EYS: variants seen among roughly 807,000 people sequenced by gnomAD.
EYS encodes the protein EGF-like photoreceptor maintenance factor, also known as protein eyes shut homolog.
In EYS, 250 loss-of-function variants were observed where a neutral mutation model predicts 282.1. The observed-to-expected ratio is 0.89, with a 90% CI of 0.80 to 0.98. The LOEUF is 0.98. EYS is among the 50% of genes least tolerant of loss of function. EYS has a pLI of 0.00. For missense variants in EYS, 4,016 were observed against 3,709.0 expected (o/e 1.08, Z -2.15); for synonymous variants, 1,355 against 1,282.9 (o/e 1.06, Z -1.20).
chr6:65,456,078 G>A (rs1764599699), intron 5 of EYS, among the ~76,000 whole-genome samples: 2 of 151,538 alleles, frequency 1.3e-5, no homozygotes, highest in Middle Eastern at 3.4e-3. Context: ...AGAGAGAGAT[G>A]CAAGCTACAG....
rs557957089 is a variant in EYS at position 65,389,981 on chromosome 6, G to T, written c.1185-5481C>A. Among the ~76,000 whole-genome samples, 40 of 152,104 alleles carry T rather than the reference G, an allele frequency of 2.6e-4. No individual in the cohort carries two copies. In the East Asian group the frequency reaches 7.7e-3, roughly 29 times the overall value. ...TGTCAATGTAGTCATATAATTGGAGGTCCTGTTGCTTTTTTAAAAATTTAT... is the reference window on the plus strand; with the variant it reads ...TGTCAATGTAGTCATATAATTGGAGTTCCTGTTGCTTTTTTAAAAATTTAT... On this transcript the variant is annotated intron_variant, in intron 7 of 42. Transcript: ENST00000503581.
intron 35 of EYS, among the ~76,000 whole-genome samples, chr6:63,951,059 C>T (rs890145120): frequency 3.3e-5 from 5 of 151,988 alleles, no homozygotes; most frequent in African/African-American, 1.2e-4. Context: ...CACCACTTTC[C>T]TAGGGGGCAA....
At chr6:63,798,595 T>C (rs1409167867) in intron 37 of EYS, among the ~76,000 whole-genome samples, 1 of 152,192 alleles carries the variant, frequency 6.6e-6, no homozygotes, top group Non-Finnish European at 1.5e-5. Context: ...ATCAGGCATC[T>C]TCCTTCTGCC....
intron 2 of EYS, among the ~76,000 whole-genome samples, chr6:65,627,492 G>C (rs1205961636): frequency 6.6e-6 from 1 of 152,146 alleles, no homozygotes; most frequent in South Asian, 2.1e-4. Flanking sequence ...GCCAAGGCTG[G>C]AGCCCACTCC....
intron 2 of EYS, among the ~76,000 whole-genome samples, chr6:65,636,333 T>C (rs1767087449): frequency 2.0e-5 from 3 of 152,350 alleles, no homozygotes; most frequent in South Asian, 2.1e-4. Flanking sequence ...ATTCATATTA[T>C]AGCCTCTTTC....
rs531438207 is a variant in EYS, at chr6:64,206,858, T to C, written c.6424+23734A>G. ...TTTTTTAAGTTCAGGGGTATATGTA[T>C]AGGTTTGTTACATACATATATTTGC... On this transcript the variant is annotated intron_variant, in intron 31 of 42. Transcript: ENST00000503581. Among the ~76,000 whole-genome samples, 4 of 152,314 alleles carry C rather than the reference T, an allele frequency of 2.6e-5. No homozygotes were observed. In the East Asian group the frequency reaches 7.7e-4, roughly 29 times the overall value.
At chr6:64,219,538 G>A (rs1229848199) in intron 31 of EYS, among the ~76,000 whole-genome samples, 1 of 152,034 alleles carries the variant, frequency 6.6e-6, no homozygotes, top group African/African-American at 2.4e-5. Context: ...TAATCCTTTG[G>A]GTATATACCC....
rs537531135 is a variant in EYS, at chr6:63,908,638, A to G, written c.7056-44280T>C. On this transcript the variant is annotated intron_variant, in intron 35 of 42. Coordinates refer to ENST00000503581, the MANE Select transcript of EYS (RefSeq NM_001142800.2). ...GCTAATTTTTGTAATTTTAGTAGAG[A>G]TGGGGTTTCACAATGTTAGCCAGGC... 1.2e-4 allele frequency among the ~76,000 whole-genome samples: 18 copies of G among 152,154 alleles called. No homozygotes were observed. The East Asian group carries it at 2.3e-3, about 20-fold the overall frequency.
intron 35 of EYS, among the ~76,000 whole-genome samples, chr6:63,896,415 G>A (rs971877753): frequency 7.2e-5 from 11 of 152,026 alleles, no homozygotes; most frequent in Admixed American, 5.9e-4. Context: ...ATTTTTCAGA[G>A]GAATTTTATG....
rs746398596 is a variant in EYS at position 64,388,724 on chromosome 6, A to C, written c.6044T>G (p.Ile2015Ser). 1 of 1,542,162 alleles carries C rather than the reference A, an allele frequency of 6.5e-7. No homozygotes were observed. Among genetic ancestry groups the C allele is most frequent in the African/African-American group, 1.4e-5 (1 of 72,820 alleles). Residue 2015 changes from isoleucine (I) to serine (S), a missense_variant, in exon 29 of 43, where the codon ATT becomes AGT. Physicochemically the swap from Ile to Ser is moderately radical, Grantham distance 142. Coordinates refer to ENST00000503581, the MANE Select transcript of EYS (RefSeq NM_001142800.2). ...KPLPKSGSVF[I>S]GGFPDLHGKI... is the part of the protein sequence containing the mutation. Reference sequence around the variant, plus strand: ...CCCATGAAGGTCTGGAAATCCACCAATGAAGACAGATCCTGATTTTGGCAG... The same window carrying C: ...CCCATGAAGGTCTGGAAATCCACCACTGAAGACAGATCCTGATTTTGGCAG...
intron 2 of EYS, among the ~76,000 whole-genome samples, chr6:65,528,091 A>G (rs938357182): frequency 2.6e-5 from 4 of 152,194 alleles, no homozygotes; most frequent in Non-Finnish European, 5.9e-5. Flanking sequence ...GTAACAGCAC[A>G]TATGTTGAAA....
At chr6:64,688,123 T>C (rs1278887046) in intron 22 of EYS, among the ~76,000 whole-genome samples, 2 of 152,112 alleles carry the variant, frequency 1.3e-5, no homozygotes, top group African/African-American at 2.4e-5. Context: ...CTTTTCTTCT[T>C]TATTAGTCTT....
rs34222008 is a variant in EYS, at chr6:64,508,551, T to TTTATTATTATTA, written c.5645-69211_5645-69200dup. Among the ~76,000 whole-genome samples the TTTATTATTATTA allele has an allele frequency of 4.1e-3, 590 of 142,502 alleles. 4 individuals carry two copies. The highest frequency in any genetic ancestry group is 0.031 in the East Asian group (152 of 4,886). The allele number at this position is 142,502 out of a possible 152,430, so 93.5% of individuals were successfully genotyped here. ...GGCATGAGTTCTGCTTTTCTAAGTA[T>TTTATTATTATTA]TTATTATTATTATTATTATTATTAT... On this transcript the variant is annotated intron_variant, in intron 26 of 42. Coordinates refer to ENST00000503581, the MANE Select transcript of EYS (RefSeq NM_001142800.2).
intron 22 of EYS, among the ~76,000 whole-genome samples, chr6:64,694,531 G>A (rs1183977747): frequency 2.6e-5 from 4 of 152,120 alleles, no homozygotes; most frequent in Admixed American, 2.6e-4. Flanking sequence ...GAAGTGCCCT[G>A]CATGCATTCC....
intron 26 of EYS, among the ~76,000 whole-genome samples, chr6:64,587,781 G>T (rs1766278518): frequency 6.6e-6 from 1 of 151,870 alleles, no homozygotes; most frequent in Non-Finnish European, 1.5e-5. Context: ...AATTTTAAAA[G>T]AAGAAAATAC....
At chr6:64,116,606 G>A (rs1397700458) in intron 31 of EYS, among the ~76,000 whole-genome samples, 1 of 152,050 alleles carries the variant, frequency 6.6e-6, no homozygotes, top group Non-Finnish European at 1.5e-5. Context: ...TGGGTAAGAA[G>A]AAAACACTCA....
At chr6:65,213,511 G>T (rs56101162) in intron 12 of EYS, among the ~76,000 whole-genome samples, 1 of 151,884 alleles carries the variant, frequency 6.6e-6, no homozygotes, top group African/African-American at 2.4e-5. Context: ...TCTGTGTGAC[G>T]GCTGGGCAAT....
At chr6:65,631,424 T>C (rs552340167) in intron 2 of EYS, among the ~76,000 whole-genome samples, 8 of 150,870 alleles carry the variant, frequency 5.3e-5, no homozygotes, top group Non-Finnish European at 8.8e-5. Context: ...GGTCCTTGAA[T>C]GAGGATGGCA....
rs549697153 is a variant in EYS, at chr6:64,118,050, A to C, written c.6425-36048T>G. 1.1e-4 allele frequency among the ~76,000 whole-genome samples: 16 copies of C among 152,230 alleles called. No individual in the cohort carries two copies. The South Asian group carries it at 3.3e-3, about 32-fold the overall frequency. On this transcript the variant is annotated intron_variant, in intron 31 of 42. Transcript: ENST00000503581. ...ATGAAAAAAAATGGAAGGGGACACA[A>C]AGAGATGGAAGGCTATTCCATGTTC...
Sources: allele counts gnomAD v4.1 joint callset (sites outside exome capture counted in the v4.1 genomes callset), GRCh38; gene constraint gnomAD v4.1.1; transcripts MANE v1.5; gene names NCBI Gene and HGNC (gene_info 2026-07-23, HGNC 2026-07-21).